MAP3K20: variants seen among roughly 807,000 people sequenced by gnomAD.
MAP3K20 encodes mitogen-activated protein kinase kinase kinase 20, also known as HCCS-4.
Under a neutral mutation model 85.7 loss-of-function variants are expected in MAP3K20, and 40 were observed. That is an observed-to-expected ratio of 0.47 (90% CI 0.36 to 0.61). The LOEUF (loss-of-function observed/expected upper bound fraction) is 0.61. Among genes scored for constraint, MAP3K20 ranks in the 20% least tolerant of loss-of-function variants. The pLI is 0.00. For synonymous variants in MAP3K20, 325 were observed against 327.7 expected, an observed-to-expected ratio of 0.99 and a Z score of 0.09; for missense variants, 817 against 961.7, an observed-to-expected ratio of 0.85 and a Z score of 1.99.
chr2:173,099,420 A>G (rs1687566590), intron 2 of MAP3K20, among the ~76,000 whole-genome samples: 1 of 151,792 alleles, frequency 6.6e-6, no homozygotes, highest in African/African-American at 2.4e-5. Context: ...CCTGGGCTCA[A>G]GCCATCCTCC....
chr2:173,076,583 C>T (rs1344119791), intron 1 of MAP3K20, among the ~76,000 whole-genome samples: 1 of 152,272 alleles, frequency 6.6e-6, no homozygotes, highest in East Asian at 1.9e-4. Flanking sequence ...CTGTTTTCCT[C>T]ACACAATTAG....
chr2:173,243,657 G>T (rs555460537), intron 16 of MAP3K20, among the ~76,000 whole-genome samples: 1 of 152,132 alleles, frequency 6.6e-6, no homozygotes, highest in Non-Finnish European at 1.5e-5. Flanking sequence ...TCGCTCTTTC[G>T]CCCAGGCCAG....
intron 7 of MAP3K20, among the ~76,000 whole-genome samples, chr2:173,193,799 C>T (rs1374573709): frequency 6.6e-6 from 1 of 152,176 alleles, no homozygotes; most frequent in Non-Finnish European, 1.5e-5. Flanking sequence ...TTGAACACGT[C>T]TCTTTGTGGA....
intron 1 of MAP3K20, among the ~76,000 whole-genome samples, chr2:173,089,417 A>G (rs1183299687): frequency 6.9e-6 from 1 of 145,334 alleles, no homozygotes; most frequent in African/African-American, 2.4e-5. Flanking sequence ...CAAGCAATAC[A>G]TCCAAGGACA....
intron 8 of MAP3K20, among the ~76,000 whole-genome samples, chr2:173,199,143 GA>G (rs555619741): frequency 3.9e-4 from 59 of 152,242 alleles, no homozygotes; most frequent in African/African-American, 1.3e-3. Flanking sequence ...TGCTCTAAAA[GA>G]ATTAGATTCA....
At chr2:173,120,116 C>G (rs990298660) in intron 2 of MAP3K20, among the ~76,000 whole-genome samples, 1 of 152,032 alleles carries the variant, frequency 6.6e-6, no homozygotes, top group Non-Finnish European at 1.5e-5. Flanking sequence ...AAAAAAAGAA[C>G]AAAGGGAAAA....
chr2:173,190,943 T>A lies in MAP3K20; in HGVS notation c.444+20T>A, dbSNP rs1690630339. On this transcript the variant is annotated intron_variant, in intron 6 of 19. Coordinates refer to ENST00000375213, the MANE Select transcript of MAP3K20 (RefSeq NM_016653.3). ...TTGAAGGTAGGACTATTTCTTTTAC[T>A]TAAAAAAATTGTTAATTTCAGATGT... The A allele has an allele frequency of 6.2e-7, 1 of 1,606,582 alleles. No homozygotes were observed.
At chr2:173,076,532 C>A (rs1686867323) in intron 1 of MAP3K20, among the ~76,000 whole-genome samples, 1 of 152,252 alleles carries the variant, frequency 6.6e-6, no homozygotes, top group Non-Finnish European at 1.5e-5. Flanking sequence ...TCTAAGAACT[C>A]GACCGCGAGC....
At chr2:173,100,968 A>G (rs983858921) in intron 2 of MAP3K20, among the ~76,000 whole-genome samples, 2 of 152,182 alleles carry the variant, frequency 1.3e-5, no homozygotes, top group Non-Finnish European at 2.9e-5. Context: ...AAGACACTCC[A>G]AGGTGAACTG....
At chr2:173,169,197 A>T (rs1467634770) in intron 2 of MAP3K20, among the ~76,000 whole-genome samples, 1 of 152,150 alleles carries the variant, frequency 6.6e-6, no homozygotes, top group Non-Finnish European at 1.5e-5. Context: ...ATATTGGACT[A>T]TTAGGAAGAG....
intron 2 of MAP3K20, among the ~76,000 whole-genome samples, chr2:173,154,399 G>T (rs1354616253): frequency 6.6e-6 from 1 of 152,060 alleles, no homozygotes; most frequent in Non-Finnish European, 1.5e-5. Flanking sequence ...GGCCAGGCTG[G>T]TCTTGAACTC....
intron 2 of MAP3K20, among the ~76,000 whole-genome samples, chr2:173,147,466 G>C (rs974978192): frequency 2.6e-5 from 4 of 152,114 alleles, no homozygotes; most frequent in Admixed American, 6.5e-5. Context: ...AGTGGGGTTG[G>C]GAAATGAAAT....
intron 2 of MAP3K20, among the ~76,000 whole-genome samples, chr2:173,144,248 G>A (rs962492720): frequency 6.6e-6 from 1 of 152,120 alleles, no homozygotes; most frequent in African/African-American, 2.4e-5. Context: ...CAGATCACAA[G>A]GTCACGAGAT....
intron 2 of MAP3K20, among the ~76,000 whole-genome samples, chr2:173,163,828 G>T (rs991485414): frequency 1.3e-5 from 2 of 152,166 alleles, no homozygotes; most frequent in African/African-American, 4.8e-5. Flanking sequence ...TGGATTGAAT[G>T]CTAGTTCTGT....
intron 11 of MAP3K20, chr2:173,223,961 A>T: frequency 1.0e-6 from 1 of 985,456 alleles, no homozygotes; most frequent in South Asian, 4.7e-5. Context: ...TTACAAGGCA[A>T]AGATAGTCAT....
chr2:173,221,974 T>C, intron 11 of MAP3K20: 1 of 986,438 alleles, frequency 1.0e-6, no homozygotes, highest in Non-Finnish European at 1.2e-6. Context: ...TTTTTTTTTC[T>C]TATAGCAATA....
chr2:173,120,611 T>G (rs1688254864), intron 2 of MAP3K20, among the ~76,000 whole-genome samples: 2 of 151,098 alleles, frequency 1.3e-5, no homozygotes, highest in Admixed American at 1.3e-4. Context: ...GACTAAGATC[T>G]CCAAACTAAC....
intron 3 of MAP3K20, among the ~76,000 whole-genome samples, chr2:173,182,000 G>A (rs1209465320): frequency 1.3e-5 from 2 of 152,036 alleles, no homozygotes; most frequent in Admixed American, 1.3e-4. Flanking sequence ...AGGCCACAGT[G>A]AGCCGAGATC....
intron 11 of MAP3K20, chr2:173,222,041 A>G: frequency 1.0e-6 from 1 of 967,750 alleles, no homozygotes; most frequent in Non-Finnish European, 1.2e-6. Flanking sequence ...CGTCTCTACT[A>G]ATAATTAAAA....
Sources: gnomAD v4.1 joint callset for allele counts (sites outside exome capture counted in the v4.1 genomes callset) on GRCh38, gnomAD v4.1.1 for gene constraint, MANE v1.5 for transcripts, NCBI Gene and HGNC (gene_info 2026-07-23, HGNC 2026-07-21) for gene names.